Variants in CEACAM4 observed in about 807,000 individuals in gnomAD.
CEACAM4 encodes CEA cell adhesion molecule 4.
In CEACAM4, 30 loss-of-function variants were observed where a neutral mutation model predicts 28.7. That is an observed-to-expected ratio of 1.05 (90% confidence interval 0.78 to 1.42). The LOEUF (loss-of-function observed/expected upper bound fraction) is 1.42. Ranked by LOEUF, CEACAM4 falls within the 40% of genes most tolerant of loss-of-function variation. CEACAM4 has a pLI of 0.00. For synonymous variants in CEACAM4, 143 were observed against 126.5 expected (o/e 1.13, Z -0.87); for missense variants, 330 against 308.2 (o/e 1.07, Z -0.53).
chr19:41,620,703 G>T, intron 3 of CEACAM4, 76 bp from the exon 4 acceptor site: 1 of 1,259,040 alleles, frequency 7.9e-7, no homozygotes, highest in Non-Finnish European at 1.2e-6. Context: ...GGACAAGGAA[G>T]GGACTCCATT....
downstream of CEACAM4, among the ~76,000 whole-genome samples, chr19:41,614,099 G>T (rs1199919754): frequency 5.3e-5 from 8 of 152,154 alleles, no homozygotes; most frequent in East Asian, 1.9e-4. Flanking sequence ...TCTAATTGTG[G>T]TTTTTTCATT....
chr19:41,625,130 A>T lies in CEACAM4; in HGVS notation c.424+471T>A, dbSNP rs986913225. Reference sequence around the variant, plus strand: ...TGAGCCCTCACTGATGAGAAGCTTCAGGAACCACAGCCCGCAGACATCTGG... The same window carrying T: ...TGAGCCCTCACTGATGAGAAGCTTCTGGAACCACAGCCCGCAGACATCTGG... On this transcript the variant is annotated intron_variant, in intron 2 of 6. Coordinates refer to ENST00000221954, the MANE Select transcript of CEACAM4 (RefSeq NM_001817.4). Among the ~76,000 whole-genome samples the T allele has an allele frequency of 3.9e-5, 6 of 152,332 alleles. No homozygotes were observed. The South Asian group carries it at 1.0e-3, about 26-fold the overall frequency.
At chr19:41,619,842 A>T in intron 5 of CEACAM4, 131 bp from the exon 6 acceptor site, 9 of 795,100 alleles carry the variant, frequency 1.1e-5, no homozygotes, top group Non-Finnish European at 1.8e-5. Context: ...TCCCCTCAGG[A>T]TTGACCAGCT....
intron 5 of CEACAM4, 59 bp downstream of exon 5, chr19:41,620,152 C>A: frequency 2.8e-6 from 4 of 1,421,054 alleles, no homozygotes; most frequent in Non-Finnish European, 3.8e-6. Flanking sequence ...GGTCCCCCTG[C>A]CCTGAGCCTG....
At chr19:41,620,126 G>A in intron 5 of CEACAM4, 85 bp downstream of exon 5, 1 of 1,239,870 alleles carries the variant, frequency 8.1e-7, no homozygotes, top group Non-Finnish European at 1.1e-6. Flanking sequence ...GGTCAGTGCT[G>A]TGCTGTGGGG....
intron 1 of CEACAM4, 110 bp from the exon 2 acceptor site, chr19:41,626,070 G>A (rs1418282578): frequency 3.2e-4 from 10 of 31,358 alleles, no homozygotes; most frequent in Non-Finnish European, 6.0e-4. Flanking sequence ...TGGAGTGTGT[G>A]TGTGTGTGTG....
chr19:41,621,802 C>T, intron 2 of CEACAM4, 34 bp from the exon 3 acceptor site: 1 of 1,289,720 alleles, frequency 7.8e-7, no homozygotes, highest in Non-Finnish European at 1.1e-6. Context: ...GGACAAGGCC[C>T]AAGTTTGTTC....
At position 41,625,598 on chromosome 19, in the gene CEACAM4, C is replaced by G. The variant is rs782074509; in HGVS notation, c.424+3G>C. ...CACCCAGAGGTATGGGGGAATCACT[C>G]ACGGTGTACGTGGAGCTGGCCAGTT... On this transcript the variant is annotated splice_donor_region_variant and intron_variant, in intron 2 of 6. Transcript: ENST00000221954. 5.1e-6 allele frequency: 8 copies of G among 1,562,956 alleles called. No homozygotes were observed. Among genetic ancestry groups the G allele is most frequent in the Non-Finnish European group, 6.1e-6 (7 of 1,153,218 alleles).
downstream of CEACAM4, among the ~76,000 whole-genome samples, chr19:41,616,881 C>T (rs1429075333): frequency 1.3e-5 from 2 of 152,134 alleles, no homozygotes; most frequent in African/African-American, 4.8e-5. Flanking sequence ...CACCATGAGG[C>T]CAAAGCAGGC....
rs528043109 is a variant in CEACAM4 at position 41,625,810 on chromosome 19, G to A, written c.215C>T (p.Thr72Met). Residue 72 changes from threonine (T) to methionine (M), a missense_variant, in exon 2 of 7, where the codon ACG becomes ATG. Physicochemically the swap from Thr to Met is moderately conservative, Grantham distance 81. Transcript: ENST00000221954. Reference sequence around the variant, plus strand: ...AGCAATGAGAGGGCTCCCTTCTGCCGTTTTCCCCTTGTGCCAATAATAGGC... The same window carrying A: ...AGCAATGAGAGGGCTCCCTTCTGCCATTTTCCCCTTGTGCCAATAATAGGC... ...IQAYYWHKGK[T>M]AEGSPLIAGY... The A allele has an allele frequency of 3.1e-5, 50 of 1,613,870 alleles. No individual in the cohort carries two copies. Among genetic ancestry groups the A allele is most frequent in the Admixed American group, 2.0e-4 (12 of 60,006 alleles).
chr19:41,618,594 G>A (rs533337112), downstream of CEACAM4, among the ~76,000 whole-genome samples: 3 of 152,288 alleles, frequency 2.0e-5, no homozygotes, highest in South Asian at 6.2e-4. Context: ...TGGGTGAAGA[G>A]GGCAGCAGGG....
chr19:41,620,831 AC>A (rs548806626), intron 3 of CEACAM4, among the ~76,000 whole-genome samples: 11 of 151,214 alleles, frequency 7.3e-5, no homozygotes, highest in African/African-American at 2.7e-4. Flanking sequence ...GAGAGGAAGG[AC>A]CCCCCCAGGC....
chr19:41,626,827 C>T, intron 1 of CEACAM4, 73 bp downstream of exon 1: 2 of 1,382,116 alleles, frequency 1.4e-6, no homozygotes, highest in Middle Eastern at 1.8e-4. Flanking sequence ...CCCTCTATCC[C>T]CTCCTACCCA....
chr19:41,625,504 T>C lies in CEACAM4; in HGVS notation c.424+97A>G, dbSNP rs915367716. The C allele has an allele frequency of 6.4e-6, 9 of 1,416,124 alleles. No individual in the cohort carries two copies. The Admixed American group carries it at 8.9e-5, about 14-fold the overall frequency. 87.7% of individuals were successfully genotyped at this position (1,416,124 alleles called of 1,614,324 possible). A position where few individuals can be genotyped will look rare whatever the true frequency, so the allele number is the denominator to read the frequency against. On this transcript the variant is annotated intron_variant, in intron 2 of 6. Coordinates refer to ENST00000221954, the MANE Select transcript of CEACAM4 (RefSeq NM_001817.4). Reference sequence around the variant, plus strand: ...GCCCAAATCTCAACACGGGACAAAATGCAGAGGGGGATGCAGGCACAGCCC... The same window carrying C: ...GCCCAAATCTCAACACGGGACAAAACGCAGAGGGGGATGCAGGCACAGCCC...
the CEACAM4 span, among the ~76,000 whole-genome samples, chr19:41,613,496 G>GAC: frequency 0.016 from 2,356 of 149,390 alleles, 30 homozygotes; most frequent in South Asian, 0.052. Flanking sequence ...CTGTCTGGAG[G>GAC]ACACACACAC....
chr19:41,621,618 G>C lies in CEACAM4; in HGVS notation c.542+33C>G, dbSNP rs568416449. 71 of 1,255,978 alleles carry C rather than the reference G, an allele frequency of 5.7e-5. No individual in the cohort carries two copies. The East Asian group carries it at 1.5e-3, about 27-fold the overall frequency. The allele number at this position is 1,255,978 out of a possible 1,614,324, so 77.8% of individuals were successfully genotyped here. On this transcript the variant is annotated intron_variant, in intron 3 of 6. Coordinates refer to ENST00000221954, the MANE Select transcript of CEACAM4 (RefSeq NM_001817.4). The stretch of plus-strand genomic sequence containing the variant: ...TCCTCCCTGACTGGGGTCAGCCTAG[G>C]GGTGGGAGGAGGCTGGGGAAAAGCT...
chr19:41,626,539 G>A (rs782066938), intron 1 of CEACAM4, among the ~76,000 whole-genome samples: 1 of 152,190 alleles, frequency 6.6e-6, no homozygotes, highest in Non-Finnish European at 1.5e-5. Context: ...ATTTCCCAGT[G>A]TCTGAGGTTG....
intron 2 of CEACAM4, among the ~76,000 whole-genome samples, chr19:41,623,899 A>G (rs1385417108): frequency 1.3e-5 from 2 of 152,174 alleles, no homozygotes; most frequent in African/African-American, 4.8e-5. Context: ...GGTGTAAGGC[A>G]AACGTGTGGG....
intron 2 of CEACAM4, among the ~76,000 whole-genome samples, chr19:41,622,636 C>A (rs73931737): frequency 1.3e-5 from 2 of 152,064 alleles, no homozygotes; most frequent in Non-Finnish European, 2.9e-5. Flanking sequence ...TCACAGAACT[C>A]GTACATGATA....
Sources: gnomAD v4.1 joint callset for allele counts (sites outside exome capture counted in the v4.1 genomes callset) on GRCh38, gnomAD v4.1.1 for gene constraint, MANE v1.5 for transcripts, NCBI Gene and HGNC (gene_info 2026-07-23, HGNC 2026-07-21) for gene names.